The following RAB22A variants were observed in gnomAD, a reference collection of about 807,000 sequenced individuals.
RAB22A encodes RAB22A, member RAS oncogene family, also known as ras-related protein Rab-22A.
In RAB22A, 13 loss-of-function variants were observed where a neutral mutation model predicts 30.2. The ratio of observed to expected loss-of-function variants is 0.43; its 90% CI spans 0.28 to 0.68. The LOEUF is 0.68. Among genes scored for constraint, RAB22A ranks in the 30% least tolerant of loss-of-function variants. The probability of loss-of-function intolerance (pLI) is 0.18; values close to 1 mark genes in which losing one functional copy is unlikely to be tolerated. For synonymous variants in RAB22A, 89 were observed against 87.2 expected (o/e 1.02, Z -0.11); for missense variants, 177 against 246.8 (o/e 0.72, Z 1.89).
intron 2 of RAB22A, among the ~76,000 whole-genome samples, chr20:58,335,364 T>C (rs1263819942): frequency 6.6e-6 from 1 of 152,202 alleles, no homozygotes; most frequent in Non-Finnish European, 1.5e-5. Context: ...AGGTTGGCAC[T>C]TGCAGCATTG....
Position 58,329,138 on chromosome 20 carries a change from C to G in RAB22A, c.117-14580C>G, listed in dbSNP as rs1018454214. 3.3e-5 allele frequency among the ~76,000 whole-genome samples: 5 copies of G among 151,354 alleles called. No individual in the cohort carries two copies. In the East Asian group the frequency reaches 9.8e-4, roughly 30 times the overall value. Reference sequence around the variant, plus strand: ...GCGCTATCTCGGCTCACTGCAAGCTCCCCGTCCTGGGTTCACACTGTTCTC... The same window carrying G: ...GCGCTATCTCGGCTCACTGCAAGCTGCCCGTCCTGGGTTCACACTGTTCTC... On this transcript the variant is annotated intron_variant, in intron 2 of 6. Coordinates refer to ENST00000244040, the MANE Select transcript of RAB22A (RefSeq NM_020673.3).
intron 2 of RAB22A, among the ~76,000 whole-genome samples, chr20:58,311,465 A>G (rs1463321073): frequency 6.6e-6 from 1 of 152,254 alleles, no homozygotes; most frequent in African/African-American, 2.4e-5. Context: ...TTTCAGGCAT[A>G]TCAAGTAAAA....
rs1185764931 is a variant in RAB22A at position 58,326,241 on chromosome 20, C to G, written c.116+15119C>G. On this transcript the variant is annotated intron_variant, in intron 2 of 6. Transcript: ENST00000244040. Reference sequence around the variant, plus strand: ...GATAACGTAGATTCCATATAAGTACCATCCACCTTAATCAAAATGCAGAAA... The same window carrying G: ...GATAACGTAGATTCCATATAAGTACGATCCACCTTAATCAAAATGCAGAAA... Among the ~76,000 whole-genome samples the G allele has an allele frequency of 2.0e-5, 3 of 152,090 alleles. No homozygotes were observed. In the East Asian group the frequency reaches 5.8e-4, roughly 29 times the overall value.
intron 2 of RAB22A, among the ~76,000 whole-genome samples, chr20:58,321,373 A>AG (rs1986457630): frequency 1.3e-5 from 2 of 152,140 alleles, no homozygotes; most frequent in Non-Finnish European, 2.9e-5. Context: ...TCAAAAAAAA[A>AG]AAGTCTATTG....
intron 2 of RAB22A, among the ~76,000 whole-genome samples, chr20:58,331,883 G>T (rs1486174525): frequency 6.6e-6 from 1 of 152,122 alleles, no homozygotes; most frequent in East Asian, 1.9e-4. Flanking sequence ...TTTAAACAGA[G>T]ACACCTGGGA....
chr20:58,317,175 C>T (rs1986357864), intron 2 of RAB22A, among the ~76,000 whole-genome samples: 1 of 152,040 alleles, frequency 6.6e-6, no homozygotes, highest in Non-Finnish European at 1.5e-5. Flanking sequence ...CGGCTCACTG[C>T]AACCTCCGCC....
chr20:58,318,463 T>G (rs1986387466), intron 2 of RAB22A, among the ~76,000 whole-genome samples: 1 of 152,244 alleles, frequency 6.6e-6, no homozygotes, highest in African/African-American at 2.4e-5. Context: ...AAATGCCCAT[T>G]GGAGTATTTT....
At chr20:58,340,571 G>A (rs1986838182) in intron 2 of RAB22A, among the ~76,000 whole-genome samples, 1 of 152,154 alleles carries the variant, frequency 6.6e-6, no homozygotes, top group Non-Finnish European at 1.5e-5. Flanking sequence ...TGTTTTGTTG[G>A]AGTTCTAGGA....
intron 6 of RAB22A, among the ~76,000 whole-genome samples, chr20:58,354,564 G>A (rs1987103560): frequency 6.6e-6 from 1 of 152,128 alleles, no homozygotes. Context: ...AGTCGTCCAA[G>A]GTCATTGAAA....
intron 2 of RAB22A, among the ~76,000 whole-genome samples, chr20:58,337,748 G>C (rs1016650948): frequency 3.3e-5 from 5 of 152,132 alleles, no homozygotes; most frequent in African/African-American, 1.2e-4. Flanking sequence ...AGGTTCGACT[G>C]CCTGGCTGTG....
intron 3 of RAB22A, among the ~76,000 whole-genome samples, chr20:58,349,057 G>A (rs537913941): frequency 6.6e-6 from 1 of 152,320 alleles, no homozygotes; most frequent in South Asian, 2.1e-4. Context: ...GCAGAGATGT[G>A]CTGACAGCTT....
At chr20:58,325,760 G>A (rs570846836) in intron 2 of RAB22A, among the ~76,000 whole-genome samples, 4 of 152,268 alleles carry the variant, frequency 2.6e-5, no homozygotes, top group South Asian at 2.1e-4. Flanking sequence ...GTGGATCAGC[G>A]TATAGTCCAT....
rs1235692826 is a variant in RAB22A, at chr20:58,311,108, C to T, written c.102C>T (p.Ile34=). The T allele has an allele frequency of 6.3e-7, 1 of 1,591,660 alleles. No individual in the cohort carries two copies. The highest frequency in any genetic ancestry group is 1.3e-5 in the African/African-American group (1 of 74,400). ...TGGAAGACAGTTTTGATCCAAACATCAACCCAACAATAGGGTAAGAGACTT... is the reference window on the plus strand; with the variant it reads ...TGGAAGACAGTTTTGATCCAAACATTAACCCAACAATAGGGTAAGAGACTT... ...RFVEDSFDPN[I]NPTIGASFMT... The change falls in exon 2 of 7, where the codon ATC becomes ATT. Residue 34 remains isoleucine (I), a synonymous_variant. Coordinates refer to ENST00000244040, the MANE Select transcript of RAB22A (RefSeq NM_020673.3).
At chr20:58,313,135 C>T (rs1986264218) in intron 2 of RAB22A, among the ~76,000 whole-genome samples, 1 of 152,092 alleles carries the variant, frequency 6.6e-6, no homozygotes, top group African/African-American at 2.4e-5. Flanking sequence ...AAGGGTGTAG[C>T]TTCATGCATC....
intron 1 of RAB22A, 65 bp downstream of exon 1, chr20:58,310,077 C>T (rs1986190167): frequency 8.1e-7 from 1 of 1,233,116 alleles, no homozygotes; most frequent in South Asian, 3.9e-5. Context: ...CCCCGGATCC[C>T]CCCTGTCCCC....
intron 2 of RAB22A, among the ~76,000 whole-genome samples, chr20:58,329,764 C>T (rs1197364691): frequency 6.6e-6 from 1 of 152,168 alleles, no homozygotes; most frequent in Middle Eastern, 3.2e-3. Flanking sequence ...GCCATGGAGG[C>T]TCTGAGTTTG....
chr20:58,341,392 T>C (rs1411062531), intron 2 of RAB22A, among the ~76,000 whole-genome samples: 3 of 151,890 alleles, frequency 2.0e-5, no homozygotes, highest in Non-Finnish European at 4.4e-5. Context: ...AACCATTGGG[T>C]AGAGGAAGCA....
intron 2 of RAB22A, among the ~76,000 whole-genome samples, chr20:58,320,930 G>A (rs757847907): frequency 6.6e-6 from 1 of 152,040 alleles, no homozygotes; most frequent in African/African-American, 2.4e-5. Flanking sequence ...AGTGGCTCAC[G>A]CCTGTAATCC....
intron 6 of RAB22A, among the ~76,000 whole-genome samples, chr20:58,354,935 C>A (rs937673679): frequency 6.6e-6 from 1 of 152,178 alleles, no homozygotes; most frequent in Non-Finnish European, 1.5e-5. Flanking sequence ...AGGATCATTT[C>A]AGATCATAAT....
Sources: gnomAD v4.1 joint callset for allele counts (sites outside exome capture counted in the v4.1 genomes callset) on GRCh38, gnomAD v4.1.1 for gene constraint, MANE v1.5 for transcripts, NCBI Gene and HGNC (gene_info 2026-07-23, HGNC 2026-07-21) for gene names.